Variants in ADAMTS16 observed in about 807,000 individuals in gnomAD.
ADAMTS16 encodes ADAM metallopeptidase with thrombospondin type 1 motif 16.
ADAMTS16 carries 94 observed loss-of-function variants against 145.8 expected under a neutral mutation model. That is an observed-to-expected ratio of 0.64 (90% confidence interval 0.55 to 0.77). The LOEUF is 0.77. Ranked by LOEUF, ADAMTS16 falls within the 30% of genes least tolerant of loss-of-function variation. The probability of loss-of-function intolerance (pLI) is 0.00; values close to 1 mark genes in which losing one functional copy is unlikely to be tolerated. For missense variants in ADAMTS16, 1,585 were observed against 1,591.5 expected (o/e 1.00, Z 0.07); for synonymous variants, 659 against 604.3 (o/e 1.09, Z -1.33).
In ADAMTS16 at chr5:5,302,944, T is replaced by C. The variant is rs1054613268; in HGVS notation, c.2790-324T>C. On this transcript the variant is annotated intron_variant, in intron 18 of 22. Transcript: ENST00000274181. The stretch of plus-strand genomic sequence containing the variant: ...AGGAACCCAGAGGTGTTTTATTTTT[T>C]ATATGTTTGAAATTTTGCATTTTTT... Among the ~76,000 whole-genome samples the C allele has an allele frequency of 6.8e-5, 10 of 147,138 alleles. No homozygotes were observed. In the South Asian group the frequency reaches 9.2e-4, roughly 14 times the overall value.
chr5:5,297,242 C>T (rs1324725089), intron 18 of ADAMTS16, among the ~76,000 whole-genome samples: 1 of 152,062 alleles, frequency 6.6e-6, no homozygotes, highest in African/African-American at 2.4e-5. Flanking sequence ...TAAGCAATGG[C>T]GTATATGGCT....
intron 10 of ADAMTS16, among the ~76,000 whole-genome samples, chr5:5,216,003 T>C (rs1395224559): frequency 2.0e-5 from 3 of 150,672 alleles, no homozygotes; most frequent in Admixed American, 6.6e-5. Flanking sequence ...TATAAACATG[T>C]ATGTGCAAGT....
chr5:5,301,040 G>A (rs1739746383), intron 18 of ADAMTS16, among the ~76,000 whole-genome samples: 1 of 152,076 alleles, frequency 6.6e-6, no homozygotes, highest in South Asian at 2.1e-4. Context: ...ACTTGTTTTG[G>A]ACAATGAATT....
At chr5:5,187,950 A>G (rs1257876274) in intron 6 of ADAMTS16, 142 bp downstream of exon 6, 5 of 578,712 alleles carry the variant, frequency 8.6e-6, no homozygotes, top group Non-Finnish European at 1.5e-5. Context: ...TCTACTGCAA[A>G]TGAGTGTCTT....
intron 17 of ADAMTS16, among the ~76,000 whole-genome samples, chr5:5,252,082 T>C (rs974974385): frequency 1.2e-4 from 18 of 152,234 alleles, no homozygotes; most frequent in South Asian, 4.2e-4. Flanking sequence ...ATCTCCTGAC[T>C]TCGTGATCCG....
At chr5:5,237,676 A>T (rs1280486592) in intron 14 of ADAMTS16, among the ~76,000 whole-genome samples, 1 of 152,138 alleles carries the variant, frequency 6.6e-6, no homozygotes, top group Admixed American at 6.5e-5. Flanking sequence ...AGTAGTGTGG[A>T]GAGTCAGTGA....
intron 18 of ADAMTS16, among the ~76,000 whole-genome samples, chr5:5,285,818 G>A (rs1409864485): frequency 6.6e-6 from 1 of 152,132 alleles, no homozygotes; most frequent in African/African-American, 2.4e-5. Flanking sequence ...CCATATATTA[G>A]ATATCTGCAT....
At chr5:5,179,792 G>A (rs1735290824) in intron 3 of ADAMTS16, among the ~76,000 whole-genome samples, 1 of 152,100 alleles carries the variant, frequency 6.6e-6, no homozygotes, top group Admixed American at 6.5e-5. Context: ...GGCCCCAGGA[G>A]GTCTACCCCC....
At chr5:5,150,527 GGTTTTATACCCGGGCACATGACGT>G (rs1734422938) in intron 3 of ADAMTS16, among the ~76,000 whole-genome samples, 1 of 152,206 alleles carries the variant, frequency 6.6e-6, no homozygotes, top group Non-Finnish European at 1.5e-5. Flanking sequence ...GCCCACCCTG[GGTTTTATACCCGGGCACATGACGT>G]GCTGGACAAG....
chr5:5,200,875 A>T (rs1455236681), intron 9 of ADAMTS16, among the ~76,000 whole-genome samples: 1 of 152,200 alleles, frequency 6.6e-6, no homozygotes, highest in African/African-American at 2.4e-5. Flanking sequence ...GAGATAAAAC[A>T]TTGGGGAGGT....
chr5:5,217,173 T>C (rs1373111081), intron 10 of ADAMTS16, among the ~76,000 whole-genome samples: 1 of 151,926 alleles, frequency 6.6e-6, no homozygotes, highest in Non-Finnish European at 1.5e-5. Context: ...ACTGGATCCC[T>C]TCCTTACACC....
Position 5,306,744 on chromosome 5 carries a change from G to A in ADAMTS16, c.3411+16G>A, listed in dbSNP as rs375154390. The A allele has an allele frequency of 1.5e-5, 24 of 1,581,558 alleles. No homozygotes were observed. Among genetic ancestry groups the A allele is most frequent in the East Asian group, 2.3e-5 (1 of 43,456 alleles). The stretch of plus-strand genomic sequence containing the variant: ...CTGGTCTCAGGTAGGGGAGGCCCTC[G>A]GTTCCTGGAGAGTGGGCGAGCACAG... On this transcript the variant is annotated intron_variant, in intron 21 of 22. Coordinates refer to ENST00000274181, the MANE Select transcript of ADAMTS16 (RefSeq NM_139056.4).
rs775594444 is a variant in ADAMTS16, at chr5:5,237,043, G to T, written c.2098G>T (p.Asp700Tyr). 1 of 1,614,116 alleles carries T rather than the reference G, an allele frequency of 6.2e-7. No individual in the cohort carries two copies. Residue 700 changes from aspartate to tyrosine, a missense_variant, in exon 14 of 23, where the codon GAT becomes TAT. Physicochemically the swap from Asp to Tyr is radical, Grantham distance 160. This residue lies in a region of ADAMTS16 where 834 missense variants were observed against 811.7 expected (regional missense o/e 1.03). Transcript: ENST00000274181. ...CTTTTCTTTGTCAAATAAAGTCAAA[G>T]ATGGGACTCCATGCTCGGAGGATAG... ...FFFSLSNKVK[D>Y]GTPCSEDSRN...
intron 6 of ADAMTS16, 140 bp from the exon 7 acceptor site, chr5:5,189,831 A>G (rs2126574514): frequency 1.0e-6 from 1 of 957,464 alleles, no homozygotes; most frequent in Non-Finnish European, 1.6e-6. Flanking sequence ...TACGTAAAAT[A>G]CACGCGTTAG....
chr5:5,253,096 A>T (rs999853579), intron 17 of ADAMTS16, among the ~76,000 whole-genome samples: 1 of 151,944 alleles, frequency 6.6e-6, no homozygotes, highest in Non-Finnish European at 1.5e-5. Flanking sequence ...TTTGCTTTTC[A>T]GTGTGAAGCC....
chr5:5,268,290 G>A (rs540942846), intron 18 of ADAMTS16, among the ~76,000 whole-genome samples: 1 of 152,254 alleles, frequency 6.6e-6, no homozygotes, highest in South Asian at 2.1e-4. Flanking sequence ...TATCTCCCAT[G>A]TAAAGTATCT....
At position 5,317,989 on chromosome 5, in the gene ADAMTS16, C is replaced by A; in HGVS notation, c.3412-145C>A. The A allele has an allele frequency of 4.2e-6, 4 of 947,930 alleles. No homozygotes were observed. The highest frequency in any genetic ancestry group is 4.2e-6 in the Non-Finnish European group (3 of 709,912). 58.7% of individuals were successfully genotyped at this position (947,930 alleles called of 1,614,324 possible). On this transcript the variant is annotated intron_variant, in intron 21 of 22. Coordinates refer to ENST00000274181, the MANE Select transcript of ADAMTS16 (RefSeq NM_139056.4). The surrounding 1 kb of genome is among the most constrained non-coding windows in gnomAD (Gnocchi z 4.5). ...GCTCACTCGCGCACATCGTGGCCAACCATAACTCCACCTGCCTCTGCGACT... is the reference window on the plus strand; with the variant it reads ...GCTCACTCGCGCACATCGTGGCCAAACATAACTCCACCTGCCTCTGCGACT...
chr5:5,188,811 T>C (rs1735579510), intron 6 of ADAMTS16, among the ~76,000 whole-genome samples: 2 of 152,066 alleles, frequency 1.3e-5, no homozygotes, highest in Admixed American at 1.3e-4. Flanking sequence ...TCATTGTCTT[T>C]TGTGTGAGTG....
intron 11 of ADAMTS16, chr5:5,223,482 CTACTTAAGGGGGGATGG>C (rs1303584209): frequency 6.6e-6 from 1 of 152,508 alleles, no homozygotes; most frequent in African/African-American, 2.4e-5. Context: ...ACCCCGGGGA[CTACTTAAGGGGGGATGG>C]TGGGAGGGGG....
Sources: gnomAD v4.1 joint callset for allele counts (sites outside exome capture counted in the v4.1 genomes callset) on GRCh38, gnomAD v4.1.1 for gene constraint, gnomAD v4.1.1 regional missense constraint, Gnocchi (gnomAD v3.1) non-coding constraint, MANE v1.5 for transcripts, NCBI Gene and HGNC (gene_info 2026-07-23, HGNC 2026-07-21) for gene names.